The following HS3ST4 variants were observed in gnomAD, a reference collection of about 807,000 sequenced individuals.
HS3ST4 encodes the protein heparan sulfate glucosamine 3-O-sulfotransferase 4.
Under a neutral mutation model 29.2 loss-of-function variants are expected in HS3ST4, and 17 were observed. That is an observed-to-expected ratio of 0.58 (90% confidence interval 0.40 to 0.87). The LOEUF (loss-of-function observed/expected upper bound fraction) is 0.87, where lower values mean the gene tolerates loss of function less well. Ranked by LOEUF, HS3ST4 falls within the 40% of genes least tolerant of loss-of-function variation. The pLI is 0.00. For synonymous variants in HS3ST4, 314 were observed against 285.7 expected, an observed-to-expected ratio of 1.10 and a Z score of -1.00; for missense variants, 627 against 634.5, an observed-to-expected ratio of 0.99 and a Z score of 0.13.
chr16:26,088,517 G>C (rs575207763), intron 1 of HS3ST4, among the ~76,000 whole-genome samples: 1 of 152,292 alleles, frequency 6.6e-6, no homozygotes, highest in African/African-American at 2.4e-5. Flanking sequence ...GATTGTGATA[G>C]TGGCTGGTAG....
At chr16:25,951,906 C>T (rs1968686417) in intron 1 of HS3ST4, among the ~76,000 whole-genome samples, 2 of 151,998 alleles carry the variant, frequency 1.3e-5, no homozygotes, top group Non-Finnish European at 2.9e-5. Flanking sequence ...TGGTTGAAAA[C>T]CACCATGGCA....
chr16:25,705,229 C>T (rs566686875), intron 1 of HS3ST4, among the ~76,000 whole-genome samples: 8 of 152,144 alleles, frequency 5.3e-5, no homozygotes, highest in Non-Finnish European at 7.4e-5. Flanking sequence ...TAGAGGTGTC[C>T]GCACACCATT....
At chr16:26,011,317 C>T (rs545581283) in intron 1 of HS3ST4, among the ~76,000 whole-genome samples, 5 of 152,150 alleles carry the variant, frequency 3.3e-5, no homozygotes, top group African/African-American at 2.4e-5. Context: ...CCCAGCACTT[C>T]GGGTGGCCAA....
At chr16:25,830,472 C>T (rs1010117770) in intron 1 of HS3ST4, among the ~76,000 whole-genome samples, 4 of 152,192 alleles carry the variant, frequency 2.6e-5, no homozygotes, top group Admixed American at 2.6e-4. Flanking sequence ...CTGTTCTTCT[C>T]AGAACCCCAG....
chr16:25,864,627 T>C (rs1164591237), intron 1 of HS3ST4, among the ~76,000 whole-genome samples: 3 of 152,020 alleles, frequency 2.0e-5, no homozygotes, highest in Admixed American at 6.6e-5. Flanking sequence ...ATTCCACATA[T>C]AAGGGAGGCC....
chr16:25,874,137 T>C (rs999673848), intron 1 of HS3ST4, among the ~76,000 whole-genome samples: 1 of 152,184 alleles, frequency 6.6e-6, no homozygotes, highest in African/African-American at 2.4e-5. Flanking sequence ...ATTGTCTAAT[T>C]TACTGTTGTA....
intron 1 of HS3ST4, among the ~76,000 whole-genome samples, chr16:25,762,876 C>CAAAAAAAAAAAAAAA (rs67260535): frequency 2.5e-4 from 15 of 60,466 alleles, no homozygotes; most frequent in African/African-American, 4.2e-4. Flanking sequence ...GACCCTGTCT[C>CAAAAAAAAAAAAAAA]AAAAAAAAAA....
intron 1 of HS3ST4, among the ~76,000 whole-genome samples, chr16:25,971,441 G>A (rs991555575): frequency 6.6e-6 from 1 of 152,124 alleles, no homozygotes; most frequent in Admixed American, 6.5e-5. Context: ...TTCTTGCAGA[G>A]GCTACTTTTT....
intron 1 of HS3ST4, among the ~76,000 whole-genome samples, chr16:25,878,669 G>T (rs1223520749): frequency 1.3e-5 from 2 of 152,100 alleles, no homozygotes; most frequent in Admixed American, 1.3e-4. Context: ...GCAGGACCTT[G>T]TGTTTATCTC....
intron 1 of HS3ST4, among the ~76,000 whole-genome samples, chr16:25,845,167 A>G (rs903179828): frequency 1.4e-4 from 22 of 152,142 alleles, no homozygotes; most frequent in African/African-American, 5.3e-4. Context: ...TTACCTATGT[A>G]ACAAACCTGC....
chr16:25,948,155 C>T (rs1055765678), intron 1 of HS3ST4, among the ~76,000 whole-genome samples: 2 of 152,108 alleles, frequency 1.3e-5, no homozygotes, highest in African/African-American at 4.8e-5. Flanking sequence ...GGTCTCAGAC[C>T]TAAGTATTTA....
At chr16:25,744,315 G>A (rs1160591812) in intron 1 of HS3ST4, among the ~76,000 whole-genome samples, 1 of 152,110 alleles carries the variant, frequency 6.6e-6, no homozygotes, top group Non-Finnish European at 1.5e-5. Flanking sequence ...TTTTTAATGG[G>A]TCTGAAAATC....
chr16:25,822,362 T>A (rs1273286973), intron 1 of HS3ST4, among the ~76,000 whole-genome samples: 1 of 152,096 alleles, frequency 6.6e-6, no homozygotes, highest in Non-Finnish European at 1.5e-5. Flanking sequence ...CCTCCTCTCC[T>A]CCAAAACGCC....
At chr16:25,733,265 GA>G (rs1204323722) in intron 1 of HS3ST4, among the ~76,000 whole-genome samples, 1 of 152,154 alleles carries the variant, frequency 6.6e-6, no homozygotes, top group Non-Finnish European at 1.5e-5. Context: ...GAATAATCTT[GA>G]TTCTTTATTT....
chr16:26,132,926 A>C (rs1567319645), intron 1 of HS3ST4, among the ~76,000 whole-genome samples: 1 of 152,212 alleles, frequency 6.6e-6, no homozygotes. Context: ...AAACAAGGGA[A>C]TATATCTCTC....
chr16:25,920,631 C>T (rs1968341058), intron 1 of HS3ST4, among the ~76,000 whole-genome samples: 1 of 138,268 alleles, frequency 7.2e-6, no homozygotes, highest in Non-Finnish European at 1.5e-5. Flanking sequence ...GAAACAGGAT[C>T]TCGCTGTGTC....
At chr16:25,912,871 A>G (rs1026212345) in intron 1 of HS3ST4, among the ~76,000 whole-genome samples, 26 of 152,330 alleles carry the variant, frequency 1.7e-4, no homozygotes, top group Admixed American at 4.6e-4. Context: ...TACATTGGGT[A>G]TCTGCTATGT....
chr16:26,095,086 C>A (rs1307471443), intron 1 of HS3ST4, among the ~76,000 whole-genome samples: 1 of 152,186 alleles, frequency 6.6e-6, no homozygotes, highest in African/African-American at 2.4e-5. Context: ...ATATTATGCT[C>A]CCAATACAGG....
chr16:26,089,648 A>G (rs1040219397), intron 1 of HS3ST4, among the ~76,000 whole-genome samples: 9 of 152,186 alleles, frequency 5.9e-5, no homozygotes, highest in African/African-American at 1.9e-4. Flanking sequence ...GCTTCAGGAA[A>G]AGCCAGAGTT....
Sources: allele counts gnomAD v4.1 joint callset (sites outside exome capture counted in the v4.1 genomes callset), GRCh38; gene constraint gnomAD v4.1.1; transcripts MANE v1.5; gene names NCBI Gene and HGNC (gene_info 2026-07-23, HGNC 2026-07-21).